CARD10: variants seen among roughly 807,000 people sequenced by gnomAD.
CARD10 encodes caspase recruitment domain-containing protein 10.
A neutral mutation model predicts 114.6 loss-of-function variants in CARD10; 49 were observed. The observed-to-expected ratio is 0.43, with a 90% CI of 0.34 to 0.54. CARD10 has a LOEUF of 0.54. Among genes scored for constraint, CARD10 ranks in the 20% least tolerant of loss-of-function variants. The pLI is 0.03. For missense variants in CARD10, 1,206 were observed against 1,397.2 expected (o/e 0.86, Z 2.18); for synonymous variants, 602 against 593.2 (o/e 1.01, Z -0.21).
chr22:37,519,397 G>C lies in CARD10; in HGVS notation c.-197C>G. ...GGGTCCGCACTCGGGCGGCGGCTCC[G>C]CCGGCGCAGGGGGGCGGTGCCCGTG... is the stretch of plus-strand genomic sequence containing the variant. On this transcript the variant is annotated 5_prime_UTR_variant, in exon 1 of 20. Transcript: ENST00000251973. The surrounding 1 kb of genome is among the most constrained non-coding windows in gnomAD (Gnocchi z 4.1). 1 of 1,197,148 alleles carries C rather than the reference G, an allele frequency of 8.4e-7. No individual in the cohort carries two copies. The allele number at this position is 1,197,148 out of a possible 1,614,324, so 74.2% of individuals were successfully genotyped here. A position where few individuals can be genotyped will look rare whatever the true frequency, so the allele number is the denominator to read the frequency against.
intron 6 of CARD10, among the ~76,000 whole-genome samples, chr22:37,507,085 C>A (rs905407228): frequency 6.6e-6 from 1 of 152,152 alleles, no homozygotes; most frequent in African/African-American, 2.4e-5. Flanking sequence ...TCAAGACCAG[C>A]CTGGTCAATA....
Position 37,510,058 on chromosome 22 carries a change from G to A in CARD10, c.909+154C>T, listed in dbSNP as rs1477536394. ...CCTGCTGCAGGCCCTCCTGAGCCCC[G>A]CTACCCAGCCTGTGCCCAGAAGCCC... On this transcript the variant is annotated intron_variant, in intron 4 of 19. Coordinates refer to ENST00000251973, the MANE Select transcript of CARD10 (RefSeq NM_014550.4). Among the ~76,000 whole-genome samples the A allele has an allele frequency of 1.2e-4, 12 of 99,350 alleles. 1 individual carries two copies. The highest frequency in any genetic ancestry group is 4.4e-4 in the Admixed American group (4 of 9,026). The allele number at this position is 99,350 out of a possible 152,430, so 65.2% of individuals were successfully genotyped here. A position where few individuals can be genotyped will look rare whatever the true frequency, so the allele number is the denominator to read the frequency against.
At chr22:37,500,121 T>C (rs1216139360) in intron 11 of CARD10, among the ~76,000 whole-genome samples, 5 of 152,196 alleles carry the variant, frequency 3.3e-5, no homozygotes, top group Admixed American at 2.0e-4. Flanking sequence ...AGGGACCTGA[T>C]GCTGAGACTG....
chr22:37,518,215 G>T, intron 1 of CARD10, 107 bp from the exon 2 acceptor site: 1 of 1,134,324 alleles, frequency 8.8e-7, no homozygotes, highest in East Asian at 2.5e-5. Context: ...CCAGATTTTT[G>T]AGCCAGTGAC....
intron 2 of CARD10, among the ~76,000 whole-genome samples, chr22:37,516,938 T>A (rs1923862805): frequency 6.6e-6 from 1 of 152,228 alleles, no homozygotes; most frequent in South Asian, 2.1e-4. Flanking sequence ...AATAACATTA[T>A]TTTTTACATA....
At chr22:37,508,502 G>A (rs1313611887) in intron 5 of CARD10, 25 bp downstream of exon 5, 3 of 1,569,696 alleles carry the variant, frequency 1.9e-6, no homozygotes, top group East Asian at 2.3e-5. Context: ...CCCGCACAAG[G>A]GGCAGGGCAC....
intron 11 of CARD10, 22 bp from the exon 12 acceptor site, chr22:37,497,200 G>A: frequency 1.3e-6 from 2 of 1,599,408 alleles, no homozygotes; most frequent in Non-Finnish European, 1.7e-6. Flanking sequence ...GAAAGGAGAT[G>A]AGAATTGGAG....
At position 37,491,761 on chromosome 22, in the gene CARD10, T is replaced by C; in HGVS notation, c.2858A>G (p.Glu953Gly). The change falls in exon 19 of 20, where the codon GAA becomes GGA. Residue 953 changes from glutamate to glycine, a missense_variant. Coordinates refer to ENST00000251973, the MANE Select transcript of CARD10 (RefSeq NM_014550.4). ...CCCCACCCACCCACCTCACCTGACTTCCCGGACATTCTTCTCAGTCACCTC... is the reference window on the plus strand; with the variant it reads ...CCCCACCCACCCACCTCACCTGACTCCCCGGACATTCTTCTCAGTCACCTC... ...HVEVTEKNVR[E>G]VRGLLGRPGW... 3 of 1,402,272 alleles carry C rather than the reference T, an allele frequency of 2.1e-6. No individual in the cohort carries two copies. Among genetic ancestry groups the C allele is most frequent in the Non-Finnish European group, 3.0e-6 (3 of 1,015,254 alleles). The allele number at this position is 1,402,272 out of a possible 1,614,324, so 86.9% of individuals were successfully genotyped here. A position where few individuals can be genotyped will look rare whatever the true frequency, so the allele number is the denominator to read the frequency against.
At chr22:37,504,325 G>C (rs1446110347) in intron 8 of CARD10, 24 bp from the exon 9 acceptor site, 1 of 1,466,042 alleles carries the variant, frequency 6.8e-7, no homozygotes, top group East Asian at 2.5e-5. Context: ...ACAGGGCCTG[G>C]GTCACCCCCA....
chr22:37,517,640 CA>C (rs200585837), intron 2 of CARD10, among the ~76,000 whole-genome samples: 9,343 of 138,040 alleles, frequency 0.068, 878 homozygotes, highest in African/African-American at 0.22. Flanking sequence ...GACACTGTCT[CA>C]AAAAAAAAAA....
chr22:37,515,263 T>C (rs1188826804), intron 3 of CARD10, among the ~76,000 whole-genome samples: 1 of 152,158 alleles, frequency 6.6e-6, no homozygotes, highest in Non-Finnish European at 1.5e-5. Flanking sequence ...TGTTTGAAAC[T>C]GTGTCTTAAA....
chr22:37,519,371 C>A lies in CARD10; in HGVS notation c.-171G>T, dbSNP rs1343219358. On this transcript the variant is annotated 5_prime_UTR_variant, in exon 1 of 20. Coordinates refer to ENST00000251973, the MANE Select transcript of CARD10 (RefSeq NM_014550.4). The surrounding 1 kb of genome is among the most constrained non-coding windows in gnomAD (Gnocchi z 4.1). ...GCACGCTACAGTCGCCTCGGGCTCC[C>A]GGGTCCGCACTCGGGCGGCGGCTCC... 4.0e-5 allele frequency: 49 copies of A among 1,221,728 alleles called. No homozygotes were observed. Among genetic ancestry groups the A allele is most frequent in the Non-Finnish European group, 4.9e-5 (48 of 982,198 alleles). 75.7% of individuals were successfully genotyped at this position (1,221,728 alleles called of 1,614,324 possible). A position where few individuals can be genotyped will look rare whatever the true frequency, so the allele number is the denominator to read the frequency against.
intron 5 of CARD10, 26 bp downstream of exon 5, chr22:37,508,501 G>GGGGCAGGGCAC (rs1923493288): frequency 1.9e-6 from 3 of 1,565,182 alleles, no homozygotes; most frequent in Non-Finnish European, 2.6e-6. Flanking sequence ...TCCCGCACAA[G>GGGGCAGGGCAC]GGGCAGGGCA....
rs767037189 is a variant in CARD10, at chr22:37,510,286, G to T, written c.835C>A (p.Leu279Ile). ...EKEKEPDNVD[L>I]VSELRAENQR... ...TTCTCAGCACGCAGCTCAGAGACAAGGTCCACATTGTCTGGCTCCTTCTCC... is the reference window on the plus strand; with the variant it reads ...TTCTCAGCACGCAGCTCAGAGACAATGTCCACATTGTCTGGCTCCTTCTCC... The change falls in exon 4 of 20, where the codon CTT (leucine) becomes ATT (isoleucine). Residue 279 changes from leucine (L) to isoleucine (I), a missense_variant. By Grantham distance (5) the Leu-to-Ile change is conservative. This residue lies in a region of CARD10 where 1,068 missense variants were observed against 1,179.1 expected (regional missense o/e 0.91). Transcript: ENST00000251973. The T allele has an allele frequency of 4.4e-6, 7 of 1,605,418 alleles. No homozygotes were observed. Among genetic ancestry groups the T allele is most frequent in the Non-Finnish European group, 5.9e-6 (7 of 1,179,522 alleles).
Position 37,508,608 on chromosome 22 carries a change from C to A in CARD10, c.984G>T (p.Ala328=). The change falls in exon 5 of 20, where the codon GCG becomes GCT. Residue 328 remains alanine (A), a synonymous_variant. Transcript: ENST00000251973. ...GGCACAGCTCCTGCCTGCTGTCCTG[C>A]GCCTCCCGCCAGTCATGCTCTAGGA... The part of the protein sequence containing the change: ...LDILEHDWRE[A]QDSRQELCQK... 1.3e-6 allele frequency: 2 copies of A among 1,579,108 alleles called. No individual in the cohort carries two copies. Among genetic ancestry groups the A allele is most frequent in the Non-Finnish European group, 8.6e-7 (1 of 1,166,516 alleles).
chr22:37,512,793 G>A (rs1045338300), intron 3 of CARD10, among the ~76,000 whole-genome samples: 7 of 152,114 alleles, frequency 4.6e-5, no homozygotes, highest in Non-Finnish European at 7.3e-5. Context: ...AGTCTCCGAC[G>A]AGCAACAGGA....
In CARD10 at chr22:37,495,787, T is replaced by G. The variant is rs1426666676; in HGVS notation, c.2276A>C (p.Asp759Ala). The change falls in exon 14 of 20, where the codon GAC becomes GCC. Residue 759 changes from aspartate (D) to alanine (A), a missense_variant. By Grantham distance (126) the Asp-to-Ala change is moderately radical. Transcript: ENST00000251973. ...CTGATAATTGGGCACGGTGCCCCGG[T>G]CCAGGTCCCGCAGAGTGAGGGGGTC... The part of the protein sequence containing the change: ...RVDPLTLRDL[D>A]RGTVPNYQRA... 4 of 1,613,826 alleles carry G rather than the reference T, an allele frequency of 2.5e-6. No individual in the cohort carries two copies. The Admixed American group carries it at 6.7e-5, about 27-fold the overall frequency.
At chr22:37,500,677 C>T (rs948108663) in intron 11 of CARD10, among the ~76,000 whole-genome samples, 1 of 152,112 alleles carries the variant, frequency 6.6e-6, no homozygotes, top group South Asian at 2.1e-4. Context: ...AGTGGGGAGG[C>T]ACATCGGAAT....
In CARD10 at chr22:37,492,230, C is replaced by A. The variant is rs1261722222; in HGVS notation, c.2751+205G>T. Among the ~76,000 whole-genome samples the A allele has an allele frequency of 1.3e-5, 2 of 152,144 alleles. No individual in the cohort carries two copies. Among genetic ancestry groups the A allele is most frequent in the Admixed American group, 6.5e-5 (1 of 15,282 alleles). On this transcript the variant is annotated intron_variant, in intron 18 of 19. Coordinates refer to ENST00000251973, the MANE Select transcript of CARD10 (RefSeq NM_014550.4). This position sits in a 1 kb window ranked among gnomAD's most constrained non-coding sequence, Gnocchi z 5.7. ...TGTCAGCCAAACACCTCAAGGGGGG[C>A]CCACATGCAGTCAACTGCCCCCACC...
Sources: allele counts gnomAD v4.1 joint callset (sites outside exome capture counted in the v4.1 genomes callset), GRCh38; gene constraint gnomAD v4.1.1; regional missense constraint gnomAD v4.1.1; non-coding constraint Gnocchi (gnomAD v3.1); transcripts MANE v1.5; gene names NCBI Gene and HGNC (gene_info 2026-07-23, HGNC 2026-07-21).